DGKG: variants seen among roughly 807,000 people sequenced by gnomAD.
DGKG encodes the protein DAG kinase gamma.
In DGKG, 78 loss-of-function variants were observed where a neutral mutation model predicts 105.3. That is an observed-to-expected ratio of 0.74 (90% CI 0.62 to 0.89). The LOEUF (loss-of-function observed/expected upper bound fraction) is 0.89, where lower values mean the gene tolerates loss of function less well. Among genes scored for constraint, DGKG ranks in the 40% least tolerant of loss-of-function variants. The pLI is 0.00. For missense variants in DGKG, 958 were observed against 1,020.1 expected, an observed-to-expected ratio of 0.94 and a Z score of 0.83; for synonymous variants, 346 against 367.1, an observed-to-expected ratio of 0.94 and a Z score of 0.66.
chr3:186,222,229 G>T (rs1228249529), intron 20 of DGKG, among the ~76,000 whole-genome samples: 1 of 152,306 alleles, frequency 6.6e-6, no homozygotes, highest in South Asian at 2.1e-4. Context: ...AAAGTTCCTT[G>T]GTTAAGCCAG....
chr3:186,350,124 T>A (rs111440785), intron 1 of DGKG, among the ~76,000 whole-genome samples: 10,217 of 152,058 alleles, frequency 0.067, 1,130 homozygotes, highest in African/African-American at 0.23. Context: ...TCCTGACCTC[T>A]GGTGATCCAT....
At chr3:186,163,450 T>C (rs1716395441) in intron 23 of DGKG, among the ~76,000 whole-genome samples, 1 of 152,168 alleles carries the variant, frequency 6.6e-6, no homozygotes, top group Admixed American at 6.5e-5. Context: ...TATCACCCAT[T>C]GACATAGAAG....
chr3:186,238,509 G>T (rs114020815), intron 20 of DGKG, among the ~76,000 whole-genome samples: 1 of 152,024 alleles, frequency 6.6e-6, no homozygotes, highest in Non-Finnish European at 1.5e-5. Flanking sequence ...GCTAGACGAC[G>T]ATTTCCTTGA....
chr3:186,292,269 A>G (rs1723344664), intron 5 of DGKG, among the ~76,000 whole-genome samples: 1 of 152,150 alleles, frequency 6.6e-6, no homozygotes, highest in Admixed American at 6.5e-5. Context: ...GAAGAGCACC[A>G]GACCAGGCAG....
intron 7 of DGKG, among the ~76,000 whole-genome samples, chr3:186,282,674 G>A (rs544315011): frequency 2.0e-5 from 3 of 151,884 alleles, no homozygotes; most frequent in Admixed American, 6.6e-5. Flanking sequence ...CACCACACCC[G>A]GATAATTTCT....
At chr3:186,291,450 A>G (rs1723305430) in intron 5 of DGKG, among the ~76,000 whole-genome samples, 1 of 152,238 alleles carries the variant, frequency 6.6e-6, no homozygotes, top group South Asian at 2.1e-4. Flanking sequence ...GAATATTTAT[A>G]ACATTTTTAT....
intron 10 of DGKG, among the ~76,000 whole-genome samples, chr3:186,272,722 CT>C (rs994269623): frequency 6.6e-6 from 1 of 151,866 alleles, no homozygotes; most frequent in Non-Finnish European, 1.5e-5. Flanking sequence ...AAGGCCAGGG[CT>C]TTTTTTTGTT....
chr3:186,228,337 TCTGA>T (rs1026856602), intron 20 of DGKG, among the ~76,000 whole-genome samples: 1 of 152,164 alleles, frequency 6.6e-6, no homozygotes, highest in African/African-American at 2.4e-5. Context: ...TCTGGGTCTT[TCTGA>T]CTAACACTCT....
chr3:186,339,144 G>C (rs541100308), intron 1 of DGKG, among the ~76,000 whole-genome samples: 1 of 152,268 alleles, frequency 6.6e-6, no homozygotes, highest in South Asian at 2.1e-4. Flanking sequence ...AAATAATGAT[G>C]TTCAATGGGC....
At chr3:186,154,818 G>T (rs965008474) in intron 24 of DGKG, among the ~76,000 whole-genome samples, 4 of 152,100 alleles carry the variant, frequency 2.6e-5, no homozygotes, top group Admixed American at 6.6e-5. Flanking sequence ...GCATCACCTT[G>T]GAACTTGTTA....
intron 20 of DGKG, among the ~76,000 whole-genome samples, chr3:186,222,258 A>G (rs1661500497): frequency 6.6e-6 from 1 of 152,218 alleles, no homozygotes; most frequent in Admixed American, 6.5e-5. Context: ...CACTCTGAGC[A>G]CATTTCCCCA....
At chr3:186,229,310 G>A (rs1720016000) in intron 20 of DGKG, among the ~76,000 whole-genome samples, 1 of 151,212 alleles carries the variant, frequency 6.6e-6, no homozygotes, top group African/African-American at 2.4e-5. Flanking sequence ...GCATGATCTC[G>A]GCTCACTGCA....
At chr3:186,160,097 A>G in intron 24 of DGKG, 1 of 696,280 alleles carries the variant, frequency 1.4e-6, no homozygotes, top group Non-Finnish European at 1.7e-6. Flanking sequence ...TGGCACTCAA[A>G]GCAGACGAAT....
chr3:186,285,741 G>A (rs1044679106), intron 6 of DGKG, among the ~76,000 whole-genome samples: 11 of 147,976 alleles, frequency 7.4e-5, no homozygotes, highest in East Asian at 2.0e-4. Flanking sequence ...GTGCAATGGC[G>A]CCATCTTGGC....
chr3:186,188,444 G>T, intron 21 of DGKG, 65 bp from the exon 22 acceptor site: 1 of 1,455,498 alleles, frequency 6.9e-7, no homozygotes. Flanking sequence ...AAGGTGCTCT[G>T]TGTGTGTGCG....
At position 186,251,850 on chromosome 3, in the gene DGKG, C is replaced by A. The variant is rs370848053; in HGVS notation, c.1670G>T (p.Arg557Leu). Residue 557 changes from arginine to leucine, a missense_variant, in exon 19 of 25, where the codon CGC becomes CTC. Coordinates refer to ENST00000265022, the MANE Select transcript of DGKG (RefSeq NM_001346.3). ...IEQSPLVMLDRWHLEVIPREE... is the reference protein window; with the variant it reads ...IEQSPLVMLDLWHLEVIPREE... ...TCTGGGGATGACTTCCAGATGCCAG[C>A]GGTCCAGCATCACCAAGGGGCTCTG... 3 of 1,612,722 alleles carry A rather than the reference C, an allele frequency of 1.9e-6. No homozygotes were observed. Among genetic ancestry groups the A allele is most frequent in the Non-Finnish European group, 2.5e-6 (3 of 1,179,184 alleles).
intron 1 of DGKG, among the ~76,000 whole-genome samples, chr3:186,355,472 C>T (rs1273242773): frequency 2.0e-5 from 3 of 150,980 alleles, no homozygotes. Flanking sequence ...ATCATAACCC[C>T]CACAACCACT....
At position 186,161,673 on chromosome 3, in the gene DGKG, A is replaced by G. The variant is rs1320031868; in HGVS notation, c.2217-10T>C. ...CAGCAGCTTGTTTGTCCTGGAACCCAGAACACCAAGAGAACACAGTGAGCT... is the reference window on the plus strand; with the variant it reads ...CAGCAGCTTGTTTGTCCTGGAACCCGGAACACCAAGAGAACACAGTGAGCT... On this transcript the variant is annotated splice_polypyrimidine_tract_variant and intron_variant, in intron 23 of 24. Transcript: ENST00000265022. The G allele has an allele frequency of 3.7e-6, 6 of 1,614,120 alleles. No homozygotes were observed.
At chr3:186,209,093 CTTTT>C (rs34226259) in intron 21 of DGKG, among the ~76,000 whole-genome samples, 2 of 89,836 alleles carry the variant, frequency 2.2e-5, no homozygotes, top group African/African-American at 4.8e-5. Flanking sequence ...GTTTACTCTT[CTTTT>C]TTTTTTTTTT....
Sources: allele counts gnomAD v4.1 joint callset (sites outside exome capture counted in the v4.1 genomes callset), GRCh38; gene constraint gnomAD v4.1.1; transcripts MANE v1.5; gene names NCBI Gene and HGNC (gene_info 2026-07-23, HGNC 2026-07-21).